ZNF263: variants seen among roughly 807,000 people sequenced by gnomAD.
ZNF263 encodes zinc finger protein 263.
ZNF263 carries 49 observed loss-of-function variants against 63.1 expected under a neutral mutation model. That is an observed-to-expected ratio of 0.78 (90% confidence interval 0.62 to 0.99). ZNF263 has a LOEUF of 0.99. Ranked by LOEUF, ZNF263 falls within the 50% of genes least tolerant of loss-of-function variation. The pLI is 0.00. For missense variants in ZNF263, 872 were observed against 854.8 expected (o/e 1.02, Z -0.25); for synonymous variants, 352 against 324.2 (o/e 1.09, Z -0.92).
In ZNF263 at chr16:3,283,595, T is replaced by A. The variant is rs1041982147; in HGVS notation, c.-224T>A. 1 of 514,506 alleles carries A rather than the reference T, an allele frequency of 1.9e-6. No homozygotes were observed. The highest frequency in any genetic ancestry group is 3.0e-6 in the Non-Finnish European group (1 of 335,230). 31.9% of individuals were successfully genotyped at this position (514,506 alleles called of 1,614,324 possible). ...GCGCTCGGTTCCTGCCTCGGGGAAGTCCTGGCGCAGATGGGCCACGGGGCC... is the reference window on the plus strand; with the variant it reads ...GCGCTCGGTTCCTGCCTCGGGGAAGACCTGGCGCAGATGGGCCACGGGGCC... On this transcript the variant is annotated 5_prime_UTR_variant, in exon 1 of 6. Coordinates refer to ENST00000219069, the MANE Select transcript of ZNF263 (RefSeq NM_005741.5).
downstream of ZNF263, among the ~76,000 whole-genome samples, chr16:3,292,113 CGGG>C (rs1489009937): frequency 6.6e-6 from 1 of 151,982 alleles, no homozygotes; most frequent in Non-Finnish European, 1.5e-5. Context: ...CTGTGGGAAA[CGGG>C]GGAGTATTCT....
Position 3,284,052 on chromosome 16 carries a change from G to C in ZNF263, c.234G>C (p.Glu78Asp). The C allele has an allele frequency of 6.2e-7, 1 of 1,613,842 alleles. No homozygotes were observed. The highest frequency in any genetic ancestry group is 8.5e-7 in the Non-Finnish European group (1 of 1,179,850). The change falls in exon 1 of 6, where the codon GAG becomes GAC. Residue 78 changes from glutamate to aspartate, a missense_variant. Glu to Asp is a conservative substitution (Grantham distance 45, BLOSUM62 2). Transcript: ENST00000219069. ...GWLRPEMRTK[E>D]QILELLVLEQ... ...TTCGGCCTGAGATGCGCACGAAGGA[G>C]CAGATCTTGGAGCTGCTGGTGTTAG...
At chr16:3,299,160 G>C (rs1959855047) in intron 2 of ZNF263, 1 of 1,552,704 alleles carries the variant, frequency 6.4e-7, no homozygotes, top group South Asian at 1.3e-5. Context: ...CAAGAAGGTA[G>C]TCCAAACTCT....
chr16:3,289,536 G>C lies in ZNF263; in HGVS notation c.1030G>C (p.Asp344His), dbSNP rs1347145720. The change falls in exon 6 of 6, where the codon GAT becomes CAT. Residue 344 changes from aspartate to histidine, a missense_variant. Physicochemically the swap from Asp to His is moderately conservative, Grantham distance 81. Coordinates refer to ENST00000219069, the MANE Select transcript of ZNF263 (RefSeq NM_005741.5). ...LGRPHDRSQGDWAPPPEGGME... is the reference protein window; with the variant it reads ...LGRPHDRSQGHWAPPPEGGME... ...AAGACCTCATGACCGGTCGCAAGGG[G>C]ATTGGGCGCCTCCCCCAGAGGGTGG... The C allele has an allele frequency of 6.2e-7, 1 of 1,605,116 alleles. No homozygotes were observed. The highest frequency in any genetic ancestry group is 1.3e-5 in the African/African-American group (1 of 74,626).
chr16:3,301,248 C>T (rs890315200), exon 3 of ZNF263: 4 of 167,034 alleles, frequency 2.4e-5, no homozygotes, highest in African/African-American at 9.7e-5. Flanking sequence ...GATAAGGGCT[C>T]CGAGCTACAG....
chr16:3,284,272 C>G (rs1455742804), intron 1 of ZNF263, 67 bp downstream of exon 1: 4 of 1,445,634 alleles, frequency 2.8e-6, no homozygotes, highest in African/African-American at 1.4e-5. Flanking sequence ...CATTGCGCCC[C>G]CGGTCGAATT....
At chr16:3,299,812 TGA>T in intron 2 of ZNF263, 1 of 1,586,884 alleles carries the variant, frequency 6.3e-7, no homozygotes, top group Non-Finnish European at 8.5e-7. Flanking sequence ...AACAAAGTTT[TGA>T]AAAAACCATT....
Position 3,289,915 on chromosome 16 carries a change from G to A in ZNF263, c.1409G>A (p.Cys470Tyr). 3 of 1,614,164 alleles carry A rather than the reference G, an allele frequency of 1.9e-6. No homozygotes were observed. Among genetic ancestry groups the A allele is most frequent in the South Asian group, 2.2e-5 (2 of 91,086 alleles). The change falls in exon 6 of 6, where the codon TGT (cysteine) becomes TAT (tyrosine). Residue 470 changes from cysteine to tyrosine, a missense_variant. By Grantham distance (194) the Cys-to-Tyr change is radical (BLOSUM62 -2). Transcript: ENST00000219069. ...KPYQCNICGK[C>Y]FSCNSNLHRH... is the part of the protein sequence containing the mutation. The stretch of plus-strand genomic sequence containing the variant: ...TATCAGTGCAACATTTGCGGAAAAT[G>A]TTTCTCCTGCAACTCCAACCTCCAC...
exon 2 of ZNF263, chr16:3,299,122 T>C: frequency 6.8e-7 from 1 of 1,468,902 alleles, no homozygotes; most frequent in East Asian, 2.5e-5. Context: ...GTGGAATCTC[T>C]GAAACTCAGG....
At position 3,289,889 on chromosome 16, in the gene ZNF263, CT is replaced by C. The variant is rs1296182096; in HGVS notation, c.1384del (p.Tyr462IlefsTer94). The C allele has an allele frequency of 1.2e-6, 2 of 1,614,220 alleles. No homozygotes were observed. Among genetic ancestry groups the C allele is most frequent in the South Asian group, 2.2e-5 (2 of 91,090 alleles). On this transcript the variant is annotated frameshift_variant, in exon 6 of 6. Coordinates refer to ENST00000219069, the MANE Select transcript of ZNF263 (RefSeq NM_005741.5). LOFTEE classifies it high-confidence loss of function. ...HQRTHTGEKP[Y>X]QCNICGKCFS... ...AACGCACCCACACGGGTGAGAAGCC[CT>C]ATCAGTGCAACATTTGCGGAAAATG...
chr16:3,296,849 A>C (rs1442976464), intron 1 of ZNF263, among the ~76,000 whole-genome samples: 3 of 152,266 alleles, frequency 2.0e-5, no homozygotes, highest in Non-Finnish European at 4.4e-5. Context: ...AAGGAGAGAA[A>C]AGTAATGTAA....
At chr16:3,284,571 T>A (rs1440363099) in intron 1 of ZNF263, among the ~76,000 whole-genome samples, 2 of 152,228 alleles carry the variant, frequency 1.3e-5, no homozygotes, top group African/African-American at 4.8e-5. Context: ...TTTCTAGGGC[T>A]TAGAGGGAGA....
chr16:3,299,171 C>G (rs912605768), intron 2 of ZNF263: 1 of 1,581,868 alleles, frequency 6.3e-7, no homozygotes, highest in African/African-American at 1.4e-5. Flanking sequence ...TCCAAACTCT[C>G]TCTTACAGCA....
intron 1 of ZNF263, among the ~76,000 whole-genome samples, chr16:3,284,636 CTGT>C (rs1342244020): frequency 6.6e-6 from 1 of 152,186 alleles, no homozygotes. Context: ...TACTTGTTAC[CTGT>C]TGTTATGTTA....
chr16:3,290,502 G>A lies in ZNF263; in HGVS notation c.1996G>A (p.Glu666Lys). The change falls in exon 6 of 6, where the codon GAA becomes AAA. Residue 666 changes from glutamate to lysine, a missense_variant. By Grantham distance (56) the Glu-to-Lys change is moderately conservative. Transcript: ENST00000219069. ...ACCCTATAAATGTTCTGAATGTGGAGAAAGCTTCTCTCGGAGTTCCCGTCT... is the reference window on the plus strand; with the variant it reads ...ACCCTATAAATGTTCTGAATGTGGAAAAAGCTTCTCTCGGAGTTCCCGTCT... ...ERPYKCSECG[E>K]SFSRSSRLMS... 1.2e-6 allele frequency: 2 copies of A among 1,613,552 alleles called. No individual in the cohort carries two copies. Among genetic ancestry groups the A allele is most frequent in the Non-Finnish European group, 1.7e-6 (2 of 1,179,862 alleles).
At chr16:3,299,607 C>G (rs755276865) in intron 2 of ZNF263, 32 of 1,560,244 alleles carry the variant, frequency 2.1e-5, no homozygotes, top group Admixed American at 2.2e-5. Flanking sequence ...GTTTGCAGCT[C>G]AAGATCACAC....
chr16:3,285,007 C>G, intron 1 of ZNF263, 52 bp from the exon 2 acceptor site: 2 of 1,597,772 alleles, frequency 1.3e-6, no homozygotes, highest in Non-Finnish European at 1.7e-6. Context: ...ATACTAATTT[C>G]CCTTCCTCTT....
intron 2 of ZNF263, chr16:3,299,342 C>G (rs746254623): frequency 1.3e-6 from 2 of 1,591,568 alleles, no homozygotes; most frequent in Non-Finnish European, 1.7e-6. Flanking sequence ...CCACATTTTT[C>G]AAGAATTTCT....
intron 2 of ZNF263, 103 bp from the exon 3 acceptor site, chr16:3,285,578 A>C (rs575977223): frequency 8.1e-7 from 1 of 1,230,530 alleles, no homozygotes; most frequent in African/African-American, 1.5e-5. Context: ...GTCATTCCCA[A>C]AAGCAGAGGC....
Sources: gnomAD v4.1 joint callset for allele counts (sites outside exome capture counted in the v4.1 genomes callset) on GRCh38, gnomAD v4.1.1 for gene constraint, MANE v1.5 for transcripts, NCBI Gene and HGNC (gene_info 2026-07-23, HGNC 2026-07-21) for gene names.